The following CRYZ variants were observed in gnomAD, a reference collection of about 807,000 sequenced individuals.
The protein encoded by CRYZ is zeta-crystallin.
A neutral mutation model predicts 34.1 loss-of-function variants in CRYZ; 35 were observed. That is an observed-to-expected ratio of 1.03 (90% CI 0.78 to 1.36). The LOEUF (loss-of-function observed/expected upper bound fraction) is 1.36, where lower values mean the gene tolerates loss of function less well. Among genes scored for constraint, CRYZ ranks in the 40% most tolerant of loss-of-function variants. The probability of loss-of-function intolerance (pLI) is 0.00; values close to 1 mark genes in which losing one functional copy is unlikely to be tolerated. For synonymous variants in CRYZ, 137 were observed against 136.5 expected, an observed-to-expected ratio of 1.00 and a Z score of -0.03; for missense variants, 403 against 391.8, an observed-to-expected ratio of 1.03 and a Z score of -0.24.
chr1:74,726,751 A>G lies in CRYZ; in HGVS notation c.-13-1917T>C, dbSNP rs1391177904. Among the ~76,000 whole-genome samples, 4 of 152,104 alleles carry G rather than the reference A, an allele frequency of 2.6e-5. No individual in the cohort carries two copies. In the East Asian group the frequency reaches 5.8e-4, roughly 22 times the overall value. ...AAATTTTATGCTCTGCTTTCCTTTT[A>G]AACATAAGTTCCAATTCCAAACCAT... On this transcript the variant is annotated intron_variant, in intron 1 of 8. Coordinates refer to ENST00000340866, the MANE Select transcript of CRYZ (RefSeq NM_001889.4).
chr1:74,711,245 G>A (rs936845583), intron 5 of CRYZ, among the ~76,000 whole-genome samples: 6 of 152,204 alleles, frequency 3.9e-5, no homozygotes, highest in Admixed American at 2.6e-4. Flanking sequence ...GCAGAACCAC[G>A]GGAGAGCTTA....
intron 1 of CRYZ, among the ~76,000 whole-genome samples, chr1:74,730,827 G>T (rs944310665): frequency 3.9e-5 from 6 of 152,162 alleles, no homozygotes; most frequent in Non-Finnish European, 4.4e-5. Flanking sequence ...GAGACAGATT[G>T]AGCTAGAAAA....
At chr1:74,710,867 A>G (rs1646992579) in intron 5 of CRYZ, among the ~76,000 whole-genome samples, 1 of 152,266 alleles carries the variant, frequency 6.6e-6, no homozygotes, top group Non-Finnish European at 1.5e-5. Context: ...TAGTCATATG[A>G]ATGAATAAAA....
intron 6 of CRYZ, among the ~76,000 whole-genome samples, chr1:74,709,762 T>C (rs182756617): frequency 6.6e-6 from 1 of 152,280 alleles, no homozygotes; most frequent in Admixed American, 6.5e-5. Context: ...TTCACATCAG[T>C]AGAAATTATA....
chr1:74,706,833 C>T (rs1453952331), intron 8 of CRYZ, 66 bp downstream of exon 8: 1 of 1,325,750 alleles, frequency 7.5e-7, no homozygotes, highest in Non-Finnish European at 1.1e-6. Flanking sequence ...AAACTTTCAG[C>T]TTGCCTGAGT....
intron 4 of CRYZ, among the ~76,000 whole-genome samples, chr1:74,715,923 TC>T (rs1647066721): frequency 6.6e-6 from 1 of 151,556 alleles, no homozygotes; most frequent in African/African-American, 2.4e-5. Flanking sequence ...TTTTTTTTTT[TC>T]GAATGAGATT....
At chr1:74,708,677 C>T (rs1229212122) in intron 6 of CRYZ, 1 of 151,964 alleles carries the variant, frequency 6.6e-6, no homozygotes, top group Non-Finnish European at 1.5e-5. Flanking sequence ...CTTGGGCGAC[C>T]AGATGAGTAG....
chr1:74,726,113 A>T (rs1322840657), intron 1 of CRYZ, among the ~76,000 whole-genome samples: 1 of 152,210 alleles, frequency 6.6e-6, no homozygotes, highest in Non-Finnish European at 1.5e-5. Flanking sequence ...TGGATCTACC[A>T]TTCTGGGGTC....
chr1:74,714,653 C>T (rs748082936), intron 4 of CRYZ, 23 bp from the exon 5 acceptor site: 7 of 1,612,578 alleles, frequency 4.3e-6, no homozygotes, highest in South Asian at 3.3e-5. Context: ...GCATAAGTTA[C>T]ATCACCTTAT....
At chr1:74,720,924 G>A (rs562484224) in intron 3 of CRYZ, among the ~76,000 whole-genome samples, 28 of 152,232 alleles carry the variant, frequency 1.8e-4, no homozygotes, top group African/African-American at 5.8e-4. Context: ...CAAACATGAT[G>A]AGCCACTGAA....
intron 6 of CRYZ, among the ~76,000 whole-genome samples, chr1:74,709,625 G>A (rs1384307702): frequency 6.6e-6 from 1 of 152,134 alleles, no homozygotes; most frequent in Non-Finnish European, 1.5e-5. Flanking sequence ...CTAAATAAAT[G>A]CCACCTCACC....
Position 74,706,244 on chromosome 1 carries a change from G to C in CRYZ, c.*52C>G. 1 of 1,434,258 alleles carries C rather than the reference G, an allele frequency of 7.0e-7. No individual in the cohort carries two copies. The highest frequency in any genetic ancestry group is 2.4e-5 in the East Asian group (1 of 42,432). 88.8% of individuals were successfully genotyped at this position (1,434,258 alleles called of 1,614,324 possible). A position where few individuals can be genotyped will look rare whatever the true frequency, so the allele number is the denominator to read the frequency against. On this transcript the variant is annotated 3_prime_UTR_variant, in exon 9 of 9. Coordinates refer to ENST00000340866, the MANE Select transcript of CRYZ (RefSeq NM_001889.4). The stretch of plus-strand genomic sequence containing the variant: ...AGAAAAGATAGGGTAAGTACAACTG[G>C]GGGAAAGACAGTACCTCTAATTACA...
At chr1:74,731,382 C>T (rs1054008302) in intron 1 of CRYZ, among the ~76,000 whole-genome samples, 1 of 152,014 alleles carries the variant, frequency 6.6e-6, no homozygotes, top group Admixed American at 6.6e-5. Context: ...AGAATTCTGG[C>T]AAGAATTTTA....
At chr1:74,721,342 A>G (rs1192902706) in intron 3 of CRYZ, among the ~76,000 whole-genome samples, 1 of 152,220 alleles carries the variant, frequency 6.6e-6, no homozygotes, top group Admixed American at 6.5e-5. Context: ...ACACTTCATT[A>G]CTGAAGAATA....
chr1:74,707,236 T>A lies in CRYZ; in HGVS notation c.631-32A>T, dbSNP rs1441554217. On this transcript the variant is annotated intron_variant, in intron 6 of 8. Coordinates refer to ENST00000340866, the MANE Select transcript of CRYZ (RefSeq NM_001889.4). ...AATAAAAGAGAAATGTAGAGTAAGA[T>A]AGCAAGTGAAAAACTGTAAAATAGC... 3.2e-6 allele frequency: 4 copies of A among 1,242,860 alleles called. No homozygotes were observed. The African/African-American group carries it at 6.1e-5, about 19-fold the overall frequency. 77.0% of individuals were successfully genotyped at this position (1,242,860 alleles called of 1,614,324 possible).
At chr1:74,721,089 T>C (rs568461626) in intron 3 of CRYZ, among the ~76,000 whole-genome samples, 1 of 152,186 alleles carries the variant, frequency 6.6e-6, no homozygotes, top group East Asian at 1.9e-4. Flanking sequence ...GGAAACAAAG[T>C]TGGCCAAACG....
chr1:74,710,121 C>A lies in CRYZ; in HGVS notation c.607G>T (p.Val203Leu). 1 of 1,613,410 alleles carries A rather than the reference C, an allele frequency of 6.2e-7. No individual in the cohort carries two copies. The highest frequency in any genetic ancestry group is 8.5e-7 in the Non-Finnish European group (1 of 1,179,582). The change falls in exon 6 of 9, where the codon GTG (valine) becomes TTG (leucine). Residue 203 changes from valine to leucine, a missense_variant. Physicochemically the swap from Val to Leu is conservative, Grantham distance 32 (BLOSUM62 1). Coordinates refer to ENST00000340866, the MANE Select transcript of CRYZ (RefSeq NM_001889.4). ...GAHEVFNHRE[V>L]NYIDKIKKYV... ...ACCTTAATTTTATCAATGTAATTCA[C>A]TTCTCTGTGATTGAACACTTCATGG...
chr1:74,714,486 T>C, intron 5 of CRYZ, 93 bp downstream of exon 5: 1 of 1,271,082 alleles, frequency 7.9e-7, no homozygotes, highest in Non-Finnish European at 1.1e-6. Flanking sequence ...TGACTCTATT[T>C]ATAAATCTGA....
chr1:74,710,179 C>T lies in CRYZ; in HGVS notation c.549G>A (p.Glu183=). ...TTTGCAAAACAATCTTTTGTCCTTC[C>T]TCAGTACCAGCAGTGCCCAAAATCT... ...GLKILGTAGT[E]EGQKIVLQNG... The change falls in exon 6 of 9, where the codon GAG becomes GAA. Residue 183 remains glutamate (E), a synonymous_variant. Transcript: ENST00000340866. 6.2e-7 allele frequency: 1 copy of T among 1,613,876 alleles called. No homozygotes were observed. Among genetic ancestry groups the T allele is most frequent in the East Asian group, 2.2e-5 (1 of 44,832 alleles).
Sources: gnomAD v4.1 joint callset for allele counts (sites outside exome capture counted in the v4.1 genomes callset) on GRCh38, gnomAD v4.1.1 for gene constraint, MANE v1.5 for transcripts, NCBI Gene and HGNC (gene_info 2026-07-23, HGNC 2026-07-21) for gene names.